COL5A2: variants seen among roughly 807,000 people sequenced by gnomAD.
COL5A2 encodes the protein collagen alpha-2(V) chain.
Under a neutral mutation model 208.2 loss-of-function variants are expected in COL5A2, and 23 were observed. The observed-to-expected ratio is 0.11, with a 90% CI of 0.08 to 0.16. COL5A2 has a LOEUF of 0.16. Among genes scored for constraint, COL5A2 ranks in the 10% least tolerant of loss-of-function variants. The probability of loss-of-function intolerance (pLI) is 1.00; values close to 1 mark genes in which losing one functional copy is unlikely to be tolerated. For synonymous variants in COL5A2, 625 were observed against 628.5 expected, an observed-to-expected ratio of 0.99 and a Z score of 0.08; for missense variants, 1,590 against 1,956.4, an observed-to-expected ratio of 0.81 and a Z score of 3.53.
chr2:189,275,380 A>G, the COL5A2 span, among the ~76,000 whole-genome samples: 1 of 151,368 alleles, frequency 6.6e-6, no homozygotes, highest in Non-Finnish European at 1.5e-5. Flanking sequence ...TCAAAATATC[A>G]TAATTTATAT....
intron 1 of COL5A2, among the ~76,000 whole-genome samples, chr2:189,112,369 T>C (rs1687301146): frequency 6.6e-6 from 1 of 152,212 alleles, no homozygotes. Context: ...ATTCAAATGA[T>C]AATGCAAAGC....
At chr2:189,323,290 T>G in the COL5A2 span, among the ~76,000 whole-genome samples, 2 of 152,098 alleles carry the variant, frequency 1.3e-5, no homozygotes, top group South Asian at 2.1e-4. Context: ...TCACCACTCC[T>G]ATTCAACATA....
At position 189,043,140 on chromosome 2, in the gene COL5A2, G is replaced by A; in HGVS notation, c.3471+11C>T. On this transcript the variant is annotated intron_variant, in intron 48 of 53. Coordinates refer to ENST00000374866, the MANE Select transcript of COL5A2 (RefSeq NM_000393.5). Reference sequence around the variant, plus strand: ...CTACAGGGCAGAATAATACTTAAAGGAATAACTTACAGGAGGGCCAGGAAG... The same window carrying A: ...CTACAGGGCAGAATAATACTTAAAGAAATAACTTACAGGAGGGCCAGGAAG... 2 of 1,598,138 alleles carry A rather than the reference G, an allele frequency of 1.3e-6. No homozygotes were observed. Among genetic ancestry groups the A allele is most frequent in the Non-Finnish European group, 1.7e-6 (2 of 1,166,512 alleles).
chr2:189,077,690 G>C (rs1223252229), intron 16 of COL5A2, among the ~76,000 whole-genome samples: 2 of 152,130 alleles, frequency 1.3e-5, no homozygotes, highest in East Asian at 1.9e-4. Flanking sequence ...AGAATGGCCT[G>C]GTGAGAGGGT....
At chr2:189,084,803 A>C (rs1047266721) in intron 11 of COL5A2, among the ~76,000 whole-genome samples, 2 of 152,216 alleles carry the variant, frequency 1.3e-5, no homozygotes, top group Admixed American at 6.5e-5. Flanking sequence ...ATAAGACCTC[A>C]TAATGATGTA....
the COL5A2 span, among the ~76,000 whole-genome samples, chr2:189,303,187 A>C: frequency 6.6e-6 from 1 of 152,206 alleles, no homozygotes; most frequent in Non-Finnish European, 1.5e-5. Context: ...AGACATAAAC[A>C]GAAACCAACT....
chr2:189,318,110 A>G, the COL5A2 span, among the ~76,000 whole-genome samples: 1 of 152,136 alleles, frequency 6.6e-6, no homozygotes, highest in Non-Finnish European at 1.5e-5. Context: ...CTGTTTTTCT[A>G]AACTCTGTAT....
intron 2 of COL5A2, among the ~76,000 whole-genome samples, chr2:189,106,533 A>G (rs1438958366): frequency 6.7e-6 from 1 of 150,254 alleles, no homozygotes; most frequent in Non-Finnish European, 1.5e-5. Context: ...ATACAATTGT[A>G]TTTTCTGCAA....
intron 1 of COL5A2, among the ~76,000 whole-genome samples, chr2:189,161,152 G>A (rs1004411375): frequency 1.3e-5 from 2 of 150,410 alleles, no homozygotes; most frequent in Admixed American, 1.3e-4. Context: ...CCATCCTCTT[G>A]TCCTTCCTCT....
intron 30 of COL5A2, among the ~76,000 whole-genome samples, chr2:189,061,150 TTCC>T (rs1038355541): frequency 2.0e-4 from 31 of 152,226 alleles, no homozygotes; most frequent in African/African-American, 7.5e-4. Context: ...AATTATGATC[TTCC>T]TCCTATTAAA....
At chr2:189,053,304 A>G (rs1685831138) in intron 38 of COL5A2, 120 bp downstream of exon 38, 1 of 912,844 alleles carries the variant, frequency 1.1e-6, no homozygotes, top group Non-Finnish European at 1.7e-6. Context: ...AAATGAGAAT[A>G]TTGTCTAGAA....
chr2:189,239,052 T>C, the COL5A2 span, among the ~76,000 whole-genome samples: 1 of 152,122 alleles, frequency 6.6e-6, no homozygotes, highest in South Asian at 2.1e-4. Flanking sequence ...TAATATGAGT[T>C]AGCAAAGTCA....
At chr2:189,109,268 A>C (rs1199723931) in intron 2 of COL5A2, among the ~76,000 whole-genome samples, 1 of 151,990 alleles carries the variant, frequency 6.6e-6, no homozygotes, top group Admixed American at 6.6e-5. Context: ...TGCTTTGGGT[A>C]GCTCTTATAT....
chr2:189,187,912 T>C (rs1411201875), intron 1 of COL5A2, among the ~76,000 whole-genome samples: 1 of 147,696 alleles, frequency 6.8e-6, no homozygotes. Context: ...GAGCTTGCAG[T>C]GAACCAAGAT....
intron 5 of COL5A2, 77 bp downstream of exon 5, chr2:189,098,650 T>C (rs538448900): frequency 1.8e-6 from 2 of 1,114,464 alleles, no homozygotes; most frequent in Admixed American, 1.7e-5. Context: ...TATCTTCTCA[T>C]GGATATAATA....
At position 189,033,975 on chromosome 2, in the gene COL5A2, C is replaced by A; in HGVS notation, c.*95G>T. ...GCTGATGCAGGATCAGCCATTACTT[C>A]AAGAGTCTCAGGATCAACTTCAAAC... On this transcript the variant is annotated 3_prime_UTR_variant, in exon 54 of 54. Coordinates refer to ENST00000374866, the MANE Select transcript of COL5A2 (RefSeq NM_000393.5). The A allele has an allele frequency of 1.3e-6, 2 of 1,537,144 alleles. No homozygotes were observed. Among genetic ancestry groups the A allele is most frequent in the Non-Finnish European group, 9.0e-7 (1 of 1,115,466 alleles).
intron 29 of COL5A2, 67 bp downstream of exon 29, chr2:189,062,797 AC>A (rs1347157884): frequency 6.3e-7 from 1 of 1,583,134 alleles, no homozygotes; most frequent in Non-Finnish European, 8.7e-7. Flanking sequence ...TCTTGAACAA[AC>A]ATCATCGAAA....
At chr2:189,262,807 A>G in the COL5A2 span, among the ~76,000 whole-genome samples, 29 of 152,208 alleles carry the variant, frequency 1.9e-4, no homozygotes, top group Non-Finnish European at 3.4e-4. Flanking sequence ...GATGATGGGG[A>G]CTAATAAGAT....
chr2:189,411,995 C>G, the COL5A2 span, among the ~76,000 whole-genome samples: 1 of 152,056 alleles, frequency 6.6e-6, no homozygotes, highest in East Asian at 1.9e-4. Context: ...GAAAAAGAAG[C>G]TAGGGAACTG....
Sources: allele counts gnomAD v4.1 joint callset (sites outside exome capture counted in the v4.1 genomes callset), GRCh38; gene constraint gnomAD v4.1.1; transcripts MANE v1.5; gene names NCBI Gene and HGNC (gene_info 2026-07-23, HGNC 2026-07-21).